Variants in DPP10 observed in about 807,000 individuals in gnomAD.
DPP10 encodes dipeptidyl peptidase like 10.
A neutral mutation model predicts 120.9 loss-of-function variants in DPP10; 33 were observed. That is an observed-to-expected ratio of 0.27 (90% CI 0.21 to 0.37). The LOEUF (loss-of-function observed/expected upper bound fraction) is 0.37, where lower values mean the gene tolerates loss of function less well. Ranked by LOEUF, DPP10 falls within the 10% of genes least tolerant of loss-of-function variation. The pLI is 1.00. For synonymous variants in DPP10, 337 were observed against 326.1 expected, an observed-to-expected ratio of 1.03 and a Z score of -0.36; for missense variants, 816 against 942.8, an observed-to-expected ratio of 0.87 and a Z score of 1.76.
chr2:115,379,941 T>C (rs1470073603), intron 3 of DPP10, among the ~76,000 whole-genome samples: 3 of 152,220 alleles, frequency 2.0e-5, no homozygotes, highest in Non-Finnish European at 4.4e-5. Flanking sequence ...TTTCTGTTCT[T>C]TTACATTTGC....
At chr2:115,374,782 A>G (rs751335079) in intron 3 of DPP10, among the ~76,000 whole-genome samples, 3 of 152,144 alleles carry the variant, frequency 2.0e-5, no homozygotes, top group Admixed American at 6.5e-5. Flanking sequence ...CTCTGAACCA[A>G]TGATCTGAGC....
At chr2:114,525,904 T>G (rs1409199146) in intron 1 of DPP10, among the ~76,000 whole-genome samples, 5 of 152,222 alleles carry the variant, frequency 3.3e-5, no homozygotes, top group Non-Finnish European at 5.9e-5. Context: ...CTGGCCTGTA[T>G]TCTTTCCAAC....
In DPP10 at chr2:115,243,773, AT is replaced by A. The variant is rs35758447; in HGVS notation, c.61-65456del. Among the ~76,000 whole-genome samples, 20 of 149,028 alleles carry A rather than the reference AT, an allele frequency of 1.3e-4. No individual in the cohort carries two copies. In the South Asian group the frequency reaches 3.2e-3, roughly 24 times the overall value. ...CTTCTTGCTGGTTTTTTTTTAAACTATTTTTTTTTTCATCTAGCCACCAGAG... is the reference window on the plus strand; with the variant it reads ...CTTCTTGCTGGTTTTTTTTTAAACTATTTTTTTTTCATCTAGCCACCAGAG... On this transcript the variant is annotated intron_variant, in intron 1 of 25. Transcript: ENST00000410059.
chr2:115,836,137 TA>T lies in DPP10; in HGVS notation c.1951-19del. 1.2e-5 allele frequency: 15 copies of T among 1,241,084 alleles called. No homozygotes were observed. The highest frequency in any genetic ancestry group is 1.6e-5 in the South Asian group (1 of 63,712). 76.9% of individuals were successfully genotyped at this position (1,241,084 alleles called of 1,614,324 possible). A position where few individuals can be genotyped will look rare whatever the true frequency, so the allele number is the denominator to read the frequency against. ...TGTGTGAGATATATATATATATATA[TA>T]TATATTTTTCCCCCCCAGGGTTATG... On this transcript the variant is annotated intron_variant, in intron 21 of 25. Transcript: ENST00000410059.
At chr2:115,030,054 C>T (rs56047417) in intron 1 of DPP10, among the ~76,000 whole-genome samples, 33,814 of 152,036 alleles carry the variant, frequency 0.22, 4,560 homozygotes, top group East Asian at 0.34. Context: ...CCAGGACTTT[C>T]AACAATGAAT....
chr2:115,622,837 T>TG (rs899171126), intron 5 of DPP10, among the ~76,000 whole-genome samples: 6 of 137,716 alleles, frequency 4.4e-5, no homozygotes, highest in East Asian at 5.3e-4. Context: ...TTCTTTTTTT[T>TG]TTTTTTTTTG....
intron 1 of DPP10, among the ~76,000 whole-genome samples, chr2:115,150,868 G>A (rs941768750): frequency 1.3e-5 from 2 of 152,264 alleles, no homozygotes; most frequent in African/African-American, 4.8e-5. Flanking sequence ...ATGATAAAAC[G>A]TTTAGTGTGT....
chr2:115,470,461 C>A (rs986090165), intron 3 of DPP10, among the ~76,000 whole-genome samples: 6 of 152,016 alleles, frequency 3.9e-5, no homozygotes, highest in African/African-American at 1.5e-4. Context: ...AAGTAGATGG[C>A]CAAATGTTTG....
chr2:114,546,997 T>C (rs894820376), intron 1 of DPP10, among the ~76,000 whole-genome samples: 13 of 152,218 alleles, frequency 8.5e-5, no homozygotes, highest in Non-Finnish European at 1.5e-5. Flanking sequence ...AACATGATTC[T>C]GTGGTAAAAG....
chr2:115,593,466 A>G (rs1319065682), intron 5 of DPP10, among the ~76,000 whole-genome samples: 2 of 152,098 alleles, frequency 1.3e-5, no homozygotes, highest in Non-Finnish European at 2.9e-5. Context: ...AGTTGCTATT[A>G]TTTTTTTACT....
intron 1 of DPP10, chr2:115,234,082 G>T: frequency 2.7e-6 from 1 of 369,054 alleles, no homozygotes; most frequent in Non-Finnish European, 5.3e-6. Context: ...ATGAAGAAGT[G>T]GTTGTATTCC....
intron 1 of DPP10, among the ~76,000 whole-genome samples, chr2:114,752,257 T>C (rs1679303086): frequency 6.6e-6 from 1 of 152,188 alleles, no homozygotes; most frequent in Non-Finnish European, 1.5e-5. Context: ...TTGGCAGTTT[T>C]TTCAGGGATG....
intron 24 of DPP10, among the ~76,000 whole-genome samples, chr2:115,837,226 A>G (rs1365088546): frequency 6.6e-6 from 1 of 152,198 alleles, no homozygotes; most frequent in Non-Finnish European, 1.5e-5. Context: ...GAACTTAAAA[A>G]CTTTAAAAAG....
At chr2:115,811,752 C>T (rs1686672346) in intron 19 of DPP10, among the ~76,000 whole-genome samples, 1 of 152,094 alleles carries the variant, frequency 6.6e-6, no homozygotes, top group South Asian at 2.1e-4. Flanking sequence ...TTTTTTATAT[C>T]CTTGTAAGGC....
intron 1 of DPP10, among the ~76,000 whole-genome samples, chr2:115,146,360 G>A (rs1316571714): frequency 2.0e-5 from 3 of 151,956 alleles, no homozygotes; most frequent in East Asian, 1.9e-4. Context: ...AGGATTACTC[G>A]AAGTCCAAGT....
intron 1 of DPP10, among the ~76,000 whole-genome samples, chr2:115,305,044 G>A (rs554280652): frequency 1.8e-4 from 27 of 152,036 alleles, no homozygotes; most frequent in Non-Finnish European, 2.4e-4. Flanking sequence ...ATGATCTGAC[G>A]TTGAACACAA....
At chr2:115,381,248 G>A (rs1040962102) in intron 3 of DPP10, among the ~76,000 whole-genome samples, 10 of 152,116 alleles carry the variant, frequency 6.6e-5, no homozygotes, top group Middle Eastern at 3.4e-3. Flanking sequence ...GGCTTTGCTC[G>A]TATCTTTTTA....
intron 5 of DPP10, among the ~76,000 whole-genome samples, chr2:115,545,552 A>G (rs531924203): frequency 6.3e-4 from 96 of 152,284 alleles, no homozygotes; most frequent in African/African-American, 2.2e-3. Flanking sequence ...GAACAGAGCC[A>G]TGAAAGGTCA....
intron 1 of DPP10, among the ~76,000 whole-genome samples, chr2:115,202,089 G>A (rs559455260): frequency 3.8e-4 from 58 of 152,174 alleles, no homozygotes; most frequent in African/African-American, 1.4e-3. Flanking sequence ...AGCCACAGAT[G>A]CATTTTCATT....
Sources: gnomAD v4.1 joint callset for allele counts (sites outside exome capture counted in the v4.1 genomes callset) on GRCh38, gnomAD v4.1.1 for gene constraint, MANE v1.5 for transcripts, NCBI Gene and HGNC (gene_info 2026-07-23, HGNC 2026-07-21) for gene names.